Variants in CAPN15 observed in about 807,000 individuals in gnomAD.
CAPN15 encodes calpain 15.
CAPN15 carries 53 observed loss-of-function variants against 97.9 expected under a neutral mutation model. The ratio of observed to expected loss-of-function variants is 0.54; its 90% CI spans 0.43 to 0.68. The LOEUF is 0.68. Among genes scored for constraint, CAPN15 ranks in the 30% least tolerant of loss-of-function variants. The probability of loss-of-function intolerance (pLI) is 0.00; values close to 1 mark genes in which losing one functional copy is unlikely to be tolerated. For synonymous variants in CAPN15, 922 were observed against 722.5 expected (o/e 1.28, Z -4.43); for missense variants, 1,592 against 1,589.8 (o/e 1.00, Z -0.02).
intron 3 of CAPN15, among the ~76,000 whole-genome samples, chr16:545,938 T>G (rs1332763194): frequency 6.6e-6 from 1 of 152,236 alleles, no homozygotes; most frequent in Non-Finnish European, 1.5e-5. Flanking sequence ...ATCCATGCCC[T>G]TCTCCGAGTG....
intron 1 of CAPN15, 49 bp from the exon 2 acceptor site, chr16:533,897 G>GTCC: frequency 1.1e-6 from 1 of 940,828 alleles, no homozygotes; most frequent in Non-Finnish European, 1.3e-6. Context: ...CAGGGTCAGA[G>GTCC]TCCTCCTGGT....
intron 3 of CAPN15, among the ~76,000 whole-genome samples, chr16:544,423 C>A (rs2034386654): frequency 6.6e-6 from 1 of 152,036 alleles, no homozygotes; most frequent in Non-Finnish European, 1.5e-5. Context: ...CCTCACTTTT[C>A]CTAAGAAAGG....
intron 1 of CAPN15, among the ~76,000 whole-genome samples, chr16:529,981 T>C (rs2033134322): frequency 6.6e-6 from 1 of 152,234 alleles, no homozygotes; most frequent in Admixed American, 6.5e-5. Context: ...TCCTGCCCTC[T>C]GACCCCTGGC....
intron 1 of CAPN15, among the ~76,000 whole-genome samples, chr16:529,340 C>T (rs1401726369): frequency 6.6e-6 from 1 of 152,132 alleles, no homozygotes; most frequent in East Asian, 1.9e-4. Context: ...ATCTGTGTGA[C>T]AGCCTCAAGC....
rs1356137968 is a variant in CAPN15, at chr16:547,386, T to G, written c.548T>G (p.Val183Gly). 1 of 1,559,596 alleles carries G rather than the reference T, an allele frequency of 6.4e-7. No individual in the cohort carries two copies. ...SLPRIPPEAL[V>G]VPEVVAPAGF... is the part of the protein sequence containing the mutation. ...CCACGGATCCCTCCTGAGGCCCTGGTGGTCCCGGAAGTGGTGGCCCCGGCC... is the reference window on the plus strand; with the variant it reads ...CCACGGATCCCTCCTGAGGCCCTGGGGGTCCCGGAAGTGGTGGCCCCGGCC... The change falls in exon 4 of 14, where the codon GTG (valine) becomes GGG (glycine). Residue 183 changes from valine (V) to glycine (G), a missense_variant. Physicochemically the swap from Val to Gly is moderately radical, Grantham distance 109. Around this residue, in one of 3 missense-constraint regions of CAPN15, gnomAD observed 883 missense variants for 776.6 expected, o/e 1.14. Coordinates refer to ENST00000219611, the MANE Select transcript of CAPN15 (RefSeq NM_005632.3).
intron 3 of CAPN15, among the ~76,000 whole-genome samples, chr16:536,599 T>C (rs1349498241): frequency 6.6e-6 from 1 of 152,158 alleles, no homozygotes; most frequent in African/African-American, 2.4e-5. Context: ...ATTTTTTGTG[T>C]GTTTTTAGTA....
At position 553,562 on chromosome 16, in the gene CAPN15, C is replaced by T. The variant is rs115215017; in HGVS notation, c.*46C>T. 7.9e-4 allele frequency: 986 copies of T among 1,253,150 alleles called. 8 individuals carry two copies. The African/African-American group carries it at 0.011, about 14-fold the overall frequency. 77.6% of individuals were successfully genotyped at this position (1,253,150 alleles called of 1,614,324 possible). On this transcript the variant is annotated 3_prime_UTR_variant, in exon 14 of 14. Transcript: ENST00000219611. ...GCTGTGCACAGACGGACCCCCCACC[C>T]CCACACGCACTTTATGAGGGAGACC... is the stretch of plus-strand genomic sequence containing the variant.
In CAPN15 at chr16:535,328, G is replaced by A. The variant is rs114481679; in HGVS notation, c.-136-701G>A. ...GAGCGGGGCGGCAATGGTCACCTCC[G>A]GGACTCAGCCCTGTGCTGAGCCCCG... is the stretch of plus-strand genomic sequence containing the variant. On this transcript the variant is annotated intron_variant, in intron 2 of 13. Transcript: ENST00000219611. The surrounding 1 kb of genome is among the most constrained non-coding windows in gnomAD (Gnocchi z 6.2). 3.0e-3 allele frequency: 470 copies of A among 154,244 alleles called. 2 individuals are homozygous for A. The highest frequency in any genetic ancestry group is 0.01 in the African/African-American group (430 of 41,602). 9.6% of individuals were successfully genotyped at this position (154,244 alleles called of 1,614,324 possible). A position where few individuals can be genotyped will look rare whatever the true frequency, so the allele number is the denominator to read the frequency against.
At chr16:533,814 G>A (rs939679204) in intron 1 of CAPN15, 132 bp from the exon 2 acceptor site, 28 of 259,108 alleles carry the variant, frequency 1.1e-4, no homozygotes, top group African/African-American at 1.4e-4. Flanking sequence ...CTTCTAAGGC[G>A]AAGGGTCTCC....
At chr16:532,400 C>G (rs554639150) in intron 1 of CAPN15, among the ~76,000 whole-genome samples, 2 of 130,768 alleles carry the variant, frequency 1.5e-5, no homozygotes, top group East Asian at 4.7e-4. Context: ...ACTAAAAATA[C>G]AAAAATTAGC....
In CAPN15 at chr16:537,799, C is replaced by T. The variant is rs147191240; in HGVS notation, c.-23+1657C>T. 1,144 of 152,474 alleles carry T rather than the reference C, an allele frequency of 7.5e-3. 15 individuals are homozygous for T. Among genetic ancestry groups the T allele is most frequent in the African/African-American group, 0.026 (1,074 of 41,582 alleles). 9.4% of individuals were successfully genotyped at this position (152,474 alleles called of 1,614,324 possible). On this transcript the variant is annotated intron_variant, in intron 3 of 13. Transcript: ENST00000219611. ...GGGCTCCCTGCTAGCGAGCCTGCTCCGTGCGTGCTGGGCTCCCGGCCTTGC... is the reference window on the plus strand; with the variant it reads ...GGGCTCCCTGCTAGCGAGCCTGCTCTGTGCGTGCTGGGCTCCCGGCCTTGC...
Position 552,828 on chromosome 16 carries a change from C to G in CAPN15, c.2905-35C>G. ...GGGCAGGGGGAGTATGCCCCAGCAC[C>G]TCCCCTGCCCCACAACTGCCATTCC... On this transcript the variant is annotated intron_variant, in intron 12 of 13. Transcript: ENST00000219611. This position sits in a 1 kb window ranked among gnomAD's most constrained non-coding sequence, Gnocchi z 6.4. The G allele has an allele frequency of 3.2e-6, 5 of 1,569,930 alleles. No homozygotes were observed. The highest frequency in any genetic ancestry group is 4.3e-6 in the Non-Finnish European group (5 of 1,155,380).
chr16:552,973 C>G lies in CAPN15; in HGVS notation c.3015C>G (p.Thr1005=). The G allele has an allele frequency of 6.2e-7, 1 of 1,611,508 alleles. No individual in the cohort carries two copies. ...KAYLHVQCDC[T]DSFNVVSTRG... ...ACCTGCACGTGCAGTGTGACTGCACCGACAGCTTCAACGTGGTGTCCACAC... is the reference window on the plus strand; with the variant it reads ...ACCTGCACGTGCAGTGTGACTGCACGGACAGCTTCAACGTGGTGTCCACAC... The change falls in exon 13 of 14, where the codon ACC becomes ACG. Residue 1005 remains threonine, a synonymous_variant. Transcript: ENST00000219611. The surrounding 1 kb of genome is among the most constrained non-coding windows in gnomAD (Gnocchi z 6.4).
Position 547,211 on chromosome 16 carries a change from G to T in CAPN15, c.373G>T (p.Asp125Tyr). Residue 125 changes from aspartate (D) to tyrosine (Y), a missense_variant, in exon 4 of 14, where the codon GAC (aspartate) becomes TAC (tyrosine). Asp to Tyr is a radical substitution (Grantham distance 160). Transcript: ENST00000219611. ...GGAGCCCGCCAGGGGGCAGTGCGAG[G>T]ACAAGGACGAGGAGGAGAAGGAGGA... ...ATEPARGQCEDKDEEEKEEQE... is the reference protein window; with the variant it reads ...ATEPARGQCEYKDEEEKEEQE... 6.5e-7 allele frequency: 1 copy of T among 1,528,168 alleles called. No individual in the cohort carries two copies. The highest frequency in any genetic ancestry group is 1.2e-5 in the South Asian group (1 of 80,576). 94.7% of individuals were successfully genotyped at this position (1,528,168 alleles called of 1,614,324 possible).
chr16:541,115 C>T (rs777294718), intron 3 of CAPN15, among the ~76,000 whole-genome samples: 3 of 152,260 alleles, frequency 2.0e-5, no homozygotes, highest in Admixed American at 6.5e-5. Flanking sequence ...GGCGGCAGCT[C>T]CCACGGGGGA....
intron 3 of CAPN15, among the ~76,000 whole-genome samples, chr16:544,431 A>AGGGGCCGCCTCCCAGGACT (rs1491520709): frequency 1.3e-5 from 2 of 152,006 alleles, no homozygotes; most frequent in African/African-American, 4.8e-5. Context: ...TTCCTAAGAA[A>AGGGGCCGCCTCCCAGGACT]GGGGCCGCCT....
At chr16:541,047 G>A (rs1365373827) in intron 3 of CAPN15, among the ~76,000 whole-genome samples, 1 of 152,248 alleles carries the variant, frequency 6.6e-6, no homozygotes, top group Non-Finnish European at 1.5e-5. Flanking sequence ...TCCAGGCCTG[G>A]CTTCTGAAGG....
Position 552,006 on chromosome 16 carries a change from G to A in CAPN15, c.2346-45G>A, listed in dbSNP as rs1403535568. ...GCGGTAGGCGCTGAGCCACGGAGGT[G>A]TGGGCCGTGGTAGGCTCAGGGCCCC... On this transcript the variant is annotated intron_variant, in intron 9 of 13. Coordinates refer to ENST00000219611, the MANE Select transcript of CAPN15 (RefSeq NM_005632.3). This position sits in a 1 kb window ranked among gnomAD's most constrained non-coding sequence, Gnocchi z 6.4. The A allele has an allele frequency of 6.5e-6, 10 of 1,528,852 alleles. No individual in the cohort carries two copies. The highest frequency in any genetic ancestry group is 4.9e-5 in the East Asian group (2 of 40,754). 94.7% of individuals were successfully genotyped at this position (1,528,852 alleles called of 1,614,324 possible).
chr16:549,226 T>TGG, intron 5 of CAPN15, 25 bp downstream of exon 5: 4 of 44,272 alleles, frequency 9.0e-5, no homozygotes, highest in South Asian at 3.7e-4. Flanking sequence ...AAGGCCGGGG[T>TGG]GGGGCGGGTG....
Sources: allele counts gnomAD v4.1 joint callset (sites outside exome capture counted in the v4.1 genomes callset), GRCh38; gene constraint gnomAD v4.1.1; regional missense constraint gnomAD v4.1.1; non-coding constraint Gnocchi (gnomAD v3.1); transcripts MANE v1.5; gene names NCBI Gene and HGNC (gene_info 2026-07-23, HGNC 2026-07-21).